Variants in ACP1 observed in about 807,000 individuals in gnomAD.
ACP1 encodes the protein acid phosphatase 1.
In ACP1, 23 loss-of-function variants were observed where a neutral mutation model predicts 23.4. The observed-to-expected ratio is 0.98, with a 90% confidence interval of 0.71 to 1.39. The LOEUF is 1.39. ACP1 is among the 40% of genes most tolerant of loss of function. The pLI, the probability that ACP1 is intolerant of heterozygous loss-of-function variation, is 0.00. For missense variants in ACP1, 180 were observed against 197.7 expected (o/e 0.91, Z 0.54); for synonymous variants, 72 against 67.2 (o/e 1.07, Z -0.35).
intron 4 of ACP1, among the ~76,000 whole-genome samples, chr2:276,409 G>C (rs1320400885): frequency 2.0e-5 from 3 of 152,102 alleles, no homozygotes; most frequent in Non-Finnish European, 2.9e-5. Context: ...CTCATCTGTC[G>C]CAGGTGCTCA....
chr2:273,585 G>T (rs1428031168), intron 3 of ACP1, among the ~76,000 whole-genome samples: 2 of 152,208 alleles, frequency 1.3e-5, no homozygotes, highest in African/African-American at 4.8e-5. Context: ...TGGCCACAAA[G>T]CCCGACTGTC....
chr2:265,744 T>C (rs187975417), intron 1 of ACP1, among the ~76,000 whole-genome samples: 1 of 152,364 alleles, frequency 6.6e-6, no homozygotes, highest in East Asian at 1.9e-4. Context: ...TTGTCAGTAG[T>C]CCGGTTACTT....
In ACP1 at chr2:269,816, T is replaced by C. The variant is rs1379590827; in HGVS notation, c.44-2050T>C. Among the ~76,000 whole-genome samples, 6 of 152,230 alleles carry C rather than the reference T, an allele frequency of 3.9e-5. No homozygotes were observed. The East Asian group carries it at 1.2e-3, about 29-fold the overall frequency. ...CTCATTCCTGGGGGAGGAAATGCTG[T>C]GGCCCTGCTGGGTTTCCCTCAGTCT... On this transcript the variant is annotated intron_variant, in intron 1 of 5. Transcript: ENST00000272065.
In ACP1 at chr2:277,268, C is replaced by T; in HGVS notation, c.441C>T (p.Val147=). 1 of 1,613,324 alleles carries T rather than the reference C, an allele frequency of 6.2e-7. No individual in the cohort carries two copies. The highest frequency in any genetic ancestry group is 8.5e-7 in the Non-Finnish European group (1 of 1,180,046). ...TTGAGACGGTGTACCAGCAGTGTGT[C>T]AGGTGCTGCAGAGCGTTCTTGGAGA... ...SDFETVYQQC[V]RCCRAFLEKA... is the part of the protein sequence containing the mutation. The change falls in exon 6 of 6, where the codon GTC becomes GTT. Residue 147 remains valine, a synonymous_variant. Coordinates refer to ENST00000272065, the MANE Select transcript of ACP1 (RefSeq NM_004300.4).
At chr2:267,154 CTGACCA>C (rs1455469848) in intron 1 of ACP1, among the ~76,000 whole-genome samples, 1 of 152,204 alleles carries the variant, frequency 6.6e-6, no homozygotes, top group Non-Finnish European at 1.5e-5. Flanking sequence ...CCAACTGAAG[CTGACCA>C]TGGGGTAACC....
In ACP1 at chr2:271,851, T is replaced by C; in HGVS notation, c.44-15T>C. On this transcript the variant is annotated splice_polypyrimidine_tract_variant and intron_variant, in intron 1 of 5. Transcript: ENST00000272065. The stretch of plus-strand genomic sequence containing the variant: ...CAACCTAACCCTGTTTCCCCACCCC[T>C]CCCTTTTTTTAAAGGTAACATTTGT... 1 of 1,561,720 alleles carries C rather than the reference T, an allele frequency of 6.4e-7. No individual in the cohort carries two copies.
intron 1 of ACP1, chr2:269,267 G>C (rs1235756460): frequency 4.3e-6 from 2 of 468,922 alleles, no homozygotes; most frequent in Non-Finnish European, 8.8e-6. Flanking sequence ...GGTATTCAAG[G>C]CTAATTTGTT....
intron 1 of ACP1, among the ~76,000 whole-genome samples, chr2:268,904 G>C (rs537077933): frequency 4.3e-4 from 66 of 152,288 alleles, no homozygotes; most frequent in Non-Finnish European, 8.2e-4. Context: ...CTAGCCTTTA[G>C]GACAGTTAAT....
intron 4 of ACP1, 85 bp from the exon 5 acceptor site, chr2:276,895 G>C: frequency 1.3e-6 from 1 of 797,890 alleles, no homozygotes; most frequent in Admixed American, 2.4e-5. Flanking sequence ...ATTTTGATAT[G>C]GATGTTTCAG....
At chr2:274,363 G>A (rs1156367059) in intron 3 of ACP1, among the ~76,000 whole-genome samples, 1 of 152,034 alleles carries the variant, frequency 6.6e-6, no homozygotes, top group Admixed American at 6.5e-5. Flanking sequence ...TTCTTATTCT[G>A]CCATTATTTA....
intron 1 of ACP1, among the ~76,000 whole-genome samples, chr2:268,345 T>G (rs773734729): frequency 6.6e-6 from 1 of 152,264 alleles, no homozygotes; most frequent in Non-Finnish European, 1.5e-5. Context: ...GTTTGGACCC[T>G]ATTGAGATTG....
chr2:265,558 T>G (rs550941345), intron 1 of ACP1, among the ~76,000 whole-genome samples: 1 of 150,996 alleles, frequency 6.6e-6, no homozygotes, highest in Non-Finnish European at 1.5e-5. Context: ...TGTATTTTAT[T>G]AATGGCTTTT....
At chr2:276,845 G>A in intron 4 of ACP1, 135 bp from the exon 5 acceptor site, 1 of 622,824 alleles carries the variant, frequency 1.6e-6, no homozygotes, top group Non-Finnish European at 2.9e-6. Context: ...CGGGCCTGCT[G>A]AGTGTTCCGT....
chr2:266,479 A>G (rs892231249), intron 1 of ACP1: 4 of 152,204 alleles, frequency 2.6e-5, no homozygotes, highest in African/African-American at 9.7e-5. Context: ...GGTTGCTGTT[A>G]ATGGGGAAGT....
At chr2:268,337 T>C (rs1197388176) in intron 1 of ACP1, among the ~76,000 whole-genome samples, 1 of 152,256 alleles carries the variant, frequency 6.6e-6, no homozygotes, top group Non-Finnish European at 1.5e-5. Context: ...AAGCATTTGT[T>C]TGGACCCTAT....
intron 1 of ACP1, among the ~76,000 whole-genome samples, chr2:268,025 A>G (rs982022593): frequency 6.6e-6 from 1 of 152,222 alleles, no homozygotes; most frequent in African/African-American, 2.4e-5. Context: ...ACATAAAGGC[A>G]GTGGACCATG....
intron 1 of ACP1, among the ~76,000 whole-genome samples, chr2:270,293 C>T (rs928480531): frequency 8.5e-5 from 13 of 152,302 alleles, no homozygotes; most frequent in East Asian, 1.9e-4. Flanking sequence ...ATAGTGGCTA[C>T]GCAAAGTTCA....
chr2:276,853 C>T (rs1572200167), intron 4 of ACP1, 127 bp from the exon 5 acceptor site: 5 of 636,136 alleles, frequency 7.9e-6, no homozygotes, highest in Admixed American at 2.9e-5. Context: ...CTGAGTGTTC[C>T]GTTTCATTTC....
intron 1 of ACP1, among the ~76,000 whole-genome samples, chr2:266,907 C>G (rs10171111): frequency 0.62 from 93,524 of 151,870 alleles, 29,838 homozygotes; most frequent in East Asian, 0.83. Context: ...CTTATGATTT[C>G]GGGCCATTAT....
Sources: allele counts gnomAD v4.1 joint callset (sites outside exome capture counted in the v4.1 genomes callset), GRCh38; gene constraint gnomAD v4.1.1; transcripts MANE v1.5; gene names NCBI Gene and HGNC (gene_info 2026-07-23, HGNC 2026-07-21).